ZNF804B: variants seen among roughly 807,000 people sequenced by gnomAD.
ZNF804B encodes the protein zinc finger protein 804B, also known as zinc finger 804B.
A neutral mutation model predicts 101.4 loss-of-function variants in ZNF804B; 80 were observed. That is an observed-to-expected ratio of 0.79 (90% CI 0.66 to 0.95). The LOEUF (loss-of-function observed/expected upper bound fraction) is 0.95. ZNF804B is among the 40% of genes least tolerant of loss of function. ZNF804B has a pLI of 0.00. For missense variants in ZNF804B, 1,673 were observed against 1,561.9 expected, an observed-to-expected ratio of 1.07 and a Z score of -1.20; for synonymous variants, 622 against 558.8, an observed-to-expected ratio of 1.11 and a Z score of -1.59.
chr7:88,898,957 G>T (rs1792348596), intron 1 of ZNF804B, among the ~76,000 whole-genome samples: 1 of 152,094 alleles, frequency 6.6e-6, no homozygotes, highest in Non-Finnish European at 1.5e-5. Context: ...CTTAACCCTT[G>T]TCTCTTCTAG....
intron 1 of ZNF804B, among the ~76,000 whole-genome samples, chr7:89,197,054 G>C (rs566043760): frequency 3.3e-5 from 5 of 152,164 alleles, no homozygotes; most frequent in African/African-American, 9.6e-5. Context: ...ATGGGAGACT[G>C]TGGTGATTCC....
At chr7:89,183,358 T>C (rs1039252529) in intron 1 of ZNF804B, among the ~76,000 whole-genome samples, 3 of 152,048 alleles carry the variant, frequency 2.0e-5, no homozygotes, top group Non-Finnish European at 4.4e-5. Context: ...ATTCATTTTA[T>C]GGTAATTATA....
intron 2 of ZNF804B, among the ~76,000 whole-genome samples, chr7:89,305,989 T>G (rs1790556721): frequency 6.6e-6 from 1 of 151,996 alleles, no homozygotes; most frequent in Non-Finnish European, 1.5e-5. Flanking sequence ...ATAGATGTAA[T>G]AATTGTCCCA....
chr7:89,009,283 C>G (rs1448145044), intron 1 of ZNF804B, among the ~76,000 whole-genome samples: 1 of 152,052 alleles, frequency 6.6e-6, no homozygotes, highest in Non-Finnish European at 1.5e-5. Context: ...TTCTTGATTT[C>G]TAATCATTCT....
intron 1 of ZNF804B, among the ~76,000 whole-genome samples, chr7:89,181,256 C>T (rs892060711): frequency 3.9e-5 from 6 of 152,046 alleles, no homozygotes; most frequent in African/African-American, 1.4e-4. Flanking sequence ...CAGCATGGCA[C>T]CAGGACTTGC....
At chr7:88,967,713 AAGC>A (rs1452676990) in intron 1 of ZNF804B, among the ~76,000 whole-genome samples, 51 of 87,808 alleles carry the variant, frequency 5.8e-4, no homozygotes, top group African/African-American at 2.6e-3. Flanking sequence ...AGAATTGAAA[AAGC>A]AAAAAAAAAA....
At chr7:89,016,725 G>A (rs1334274989) in intron 1 of ZNF804B, among the ~76,000 whole-genome samples, 1 of 152,148 alleles carries the variant, frequency 6.6e-6, no homozygotes, top group Non-Finnish European at 1.5e-5. Context: ...GTACCATGCT[G>A]TTTTGGTTAC....
chr7:89,260,675 G>T (rs759290415), intron 2 of ZNF804B, among the ~76,000 whole-genome samples: 1 of 151,914 alleles, frequency 6.6e-6, no homozygotes, highest in African/African-American at 2.4e-5. Flanking sequence ...TTCAGTAAAC[G>T]GTAAAACAAG....
intron 1 of ZNF804B, among the ~76,000 whole-genome samples, chr7:88,854,414 C>CCTTTCTTCCTTCCTTCCTTTCTTTCTTT (rs1791502773): frequency 3.5e-5 from 2 of 57,114 alleles, no homozygotes; most frequent in African/African-American, 1.3e-4. Flanking sequence ...TTTCTTTCTT[C>CCTTTCTTCCTTCCTTCCTTTCTTTCTTT]CTTTCTTTCT....
intron 1 of ZNF804B, among the ~76,000 whole-genome samples, chr7:88,909,038 T>C (rs1792511976): frequency 2.6e-5 from 4 of 151,794 alleles, no homozygotes; most frequent in Admixed American, 2.0e-4. Context: ...TTACTGAAGA[T>C]AGATGGAAAA....
intron 1 of ZNF804B, among the ~76,000 whole-genome samples, chr7:88,941,129 T>C (rs1393797869): frequency 6.6e-6 from 1 of 151,918 alleles, no homozygotes; most frequent in Non-Finnish European, 1.5e-5. Flanking sequence ...TGGCCAAAAA[T>C]GTGGAGCAAT....
intron 1 of ZNF804B, among the ~76,000 whole-genome samples, chr7:89,199,884 TATA>T: frequency 6.7e-6 from 1 of 148,394 alleles, no homozygotes; most frequent in Non-Finnish European, 1.5e-5. Context: ...TAGTATATTA[TATA>T]ATATATGTAT....
rs751835010 is a variant in ZNF804B at position 89,176,590 on chromosome 7, TC to T, written c.109-41564del. ...TCTTTTTTTTCTTTCTTTCTTTCTT[TC>T]TTTTTTTTTTTTTTTTTCATGTTTC... On this transcript the variant is annotated intron_variant, in intron 1 of 3. Coordinates refer to ENST00000333190, the MANE Select transcript of ZNF804B (RefSeq NM_181646.5). 7.9e-3 allele frequency among the ~76,000 whole-genome samples: 778 copies of T among 99,026 alleles called. 41 individuals carry two copies. The highest frequency in any genetic ancestry group is 0.017 in the African/African-American group (490 of 28,342). 65.0% of individuals were successfully genotyped at this position (99,026 alleles called of 152,430 possible).
intron 1 of ZNF804B, among the ~76,000 whole-genome samples, chr7:88,870,057 C>T (rs1057368809): frequency 2.0e-5 from 3 of 152,160 alleles, no homozygotes; most frequent in African/African-American, 7.2e-5. Context: ...ACAGACCAGG[C>T]CCTCCAGGGA....
At chr7:88,870,203 G>A (rs1179150509) in intron 1 of ZNF804B, among the ~76,000 whole-genome samples, 8 of 150,830 alleles carry the variant, frequency 5.3e-5, no homozygotes, top group African/African-American at 1.2e-4. Flanking sequence ...TGGCTAACAC[G>A]GTGAAACCCC....
intron 1 of ZNF804B, among the ~76,000 whole-genome samples, chr7:88,937,657 G>A (rs945172378): frequency 4.0e-5 from 6 of 150,836 alleles, no homozygotes; most frequent in African/African-American, 7.4e-5. Flanking sequence ...CTAATTTCTT[G>A]TAAGATATCC....
At chr7:89,283,647 A>G (rs12333472) in intron 2 of ZNF804B, among the ~76,000 whole-genome samples, 6,260 of 152,190 alleles carry the variant, frequency 0.041, 142 homozygotes, top group Non-Finnish European at 0.049. Context: ...TTGTGTCATG[A>G]TTTCAGCTTA....
intron 1 of ZNF804B, among the ~76,000 whole-genome samples, chr7:88,804,501 G>T (rs760715094): frequency 1.3e-5 from 2 of 151,512 alleles, no homozygotes; most frequent in South Asian, 4.2e-4. Flanking sequence ...CTTTTAATCA[G>T]TTTTTTTTCA....
At chr7:89,183,283 C>T (rs911872800) in intron 1 of ZNF804B, among the ~76,000 whole-genome samples, 2 of 151,794 alleles carry the variant, frequency 1.3e-5, no homozygotes, top group Non-Finnish European at 2.9e-5. Context: ...AAAAGTGTAC[C>T]GAAGCCAGAT....
Sources: allele counts gnomAD v4.1 joint callset (sites outside exome capture counted in the v4.1 genomes callset), GRCh38; gene constraint gnomAD v4.1.1; transcripts MANE v1.5; gene names NCBI Gene and HGNC (gene_info 2026-07-23, HGNC 2026-07-21).